The following CCDC190 variants were observed in gnomAD, a reference collection of about 807,000 sequenced individuals.
The protein encoded by CCDC190 is coiled-coil domain containing 190.
CCDC190 carries 10 observed loss-of-function variants against 13.1 expected under a neutral mutation model. That is an observed-to-expected ratio of 0.77 (90% confidence interval 0.47 to 1.30). The LOEUF is 1.30. Ranked by LOEUF, CCDC190 falls within the 50% of genes most tolerant of loss-of-function variation. The pLI, the probability that CCDC190 is intolerant of heterozygous loss-of-function variation, is 0.00. For missense variants in CCDC190, 375 were observed against 354.3 expected (o/e 1.06, Z -0.47); for synonymous variants, 136 against 127.2 (o/e 1.07, Z -0.47).
rs1481286236 is a variant in CCDC190, at chr1:162,851,728, A to G, written c.*3037T>C. The stretch of plus-strand genomic sequence containing the variant: ...AATGGGGAAGGGATCATCTGTCCCC[A>G]GTACATCTCTGAATGAATGAATGAA... On this transcript the variant is annotated 3_prime_UTR_variant, in exon 4 of 4. Coordinates refer to ENST00000367912, the MANE Select transcript of CCDC190 (RefSeq NM_001394065.1). 1 of 150,556 alleles carries G rather than the reference A, an allele frequency of 6.6e-6. No homozygotes were observed. The highest frequency in any genetic ancestry group is 1.5e-5 in the Non-Finnish European group (1 of 67,532). 9.3% of individuals were successfully genotyped at this position (150,556 alleles called of 1,614,324 possible). A position where few individuals can be genotyped will look rare whatever the true frequency, so the allele number is the denominator to read the frequency against.
At chr1:162,861,969 G>T (rs1375865674), upstream of CCDC190, among the ~76,000 whole-genome samples, 1 of 151,968 alleles carries the variant, frequency 6.6e-6, no homozygotes, top group East Asian at 1.9e-4. Context: ...AGATTACGAG[G>T]GGTGGCAGGG....
rs1460577050 is a variant in CCDC190 at position 162,853,180 on chromosome 1, A to C, written c.*1585T>G. ...GGCTGGGCTGATGAAACTGACTCTCAAATGTTTGATCTAAGTTTTTGTCTT... is the reference window on the plus strand; with the variant it reads ...GGCTGGGCTGATGAAACTGACTCTCCAATGTTTGATCTAAGTTTTTGTCTT... On this transcript the variant is annotated 3_prime_UTR_variant, in exon 4 of 4. Transcript: ENST00000367912. 6.5e-7 allele frequency: 1 copy of C among 1,534,740 alleles called. No individual in the cohort carries two copies. Among genetic ancestry groups the C allele is most frequent in the Admixed American group, 2.1e-5 (1 of 48,740 alleles).
Position 162,852,097 on chromosome 1 carries a change from C to T in CCDC190, c.*2668G>A, listed in dbSNP as rs1650128519. 1 of 152,202 alleles carries T rather than the reference C, an allele frequency of 6.6e-6. No individual in the cohort carries two copies. Among genetic ancestry groups the T allele is most frequent in the Non-Finnish European group, 1.5e-5 (1 of 68,046 alleles). The allele number at this position is 152,202 out of a possible 1,614,324, so 9.4% of individuals were successfully genotyped here. On this transcript the variant is annotated 3_prime_UTR_variant, in exon 4 of 4. Coordinates refer to ENST00000367912, the MANE Select transcript of CCDC190 (RefSeq NM_001394065.1). Reference sequence around the variant, plus strand: ...TCTGTGAATATTTAATGTAATGGCACAGGGTGGAGTTTCCAATCTTGGCGC... The same window carrying T: ...TCTGTGAATATTTAATGTAATGGCATAGGGTGGAGTTTCCAATCTTGGCGC...
intron 1 of CCDC190, 35 bp from the exon 2 acceptor site, chr1:162,859,693 A>C: frequency 6.5e-7 from 1 of 1,540,126 alleles, no homozygotes; most frequent in Non-Finnish European, 8.8e-7. Context: ...TAACCTGATA[A>C]ATGGAAGACT....
Position 162,861,138 on chromosome 1 carries a change from A to T in CCDC190, c.-143T>A, listed in dbSNP as rs1264592178. 5.2e-6 allele frequency: 2 copies of T among 383,072 alleles called. No individual in the cohort carries two copies. Among genetic ancestry groups the T allele is most frequent in the African/African-American group, 4.4e-5 (2 of 45,554 alleles). The allele number at this position is 383,072 out of a possible 1,614,324, so 23.7% of individuals were successfully genotyped here. On this transcript the variant is annotated 5_prime_UTR_variant, in exon 1 of 4. Coordinates refer to ENST00000367912, the MANE Select transcript of CCDC190 (RefSeq NM_001394065.1). ...TGGTGTTTGGAGAAAGGATAGAGGGAGACCATTGGAGAGGGCTGCGAGGAG... is the reference window on the plus strand; with the variant it reads ...TGGTGTTTGGAGAAAGGATAGAGGGTGACCATTGGAGAGGGCTGCGAGGAG...
intron 2 of CCDC190, among the ~76,000 whole-genome samples, chr1:162,856,425 A>G (rs1650304144): frequency 6.6e-6 from 1 of 152,210 alleles, no homozygotes; most frequent in Non-Finnish European, 1.5e-5. Flanking sequence ...GGCAAGCACA[A>G]TGTTTTCAAA....
In CCDC190 at chr1:162,855,345, C is replaced by A. The variant is rs761478107; in HGVS notation, c.326G>T (p.Arg109Leu). 3 of 1,603,282 alleles carry A rather than the reference C, an allele frequency of 1.9e-6. No individual in the cohort carries two copies. Among genetic ancestry groups the A allele is most frequent in the African/African-American group, 2.7e-5 (2 of 74,222 alleles). Reference protein sequence around the residue: ...QAKKMRALATRMAQDTCKSKS... With the variant: ...QAKKMRALATLMAQDTCKSKS... ...GCTTTTGCATGTGTCTTGGGCCATA[C>A]GGGTTGCCAATGCTCTGAGAAAGGA... Residue 109 changes from arginine (R) to leucine (L), a missense_variant, in exon 4 of 4, where the codon CGT becomes CTT. Arg to Leu is a moderately radical substitution (Grantham distance 102). Transcript: ENST00000367912.
chr1:162,855,166 C>T lies in CCDC190; in HGVS notation c.505G>A (p.Asp169Asn). ...GGAACAGAGATGCCCTTGCTGGGGT[C>T]TACGTCCTTAGATGGATTCACAGAA... ...KDSVNPSKDV[D>N]PSKGISVPCQ... Residue 169 changes from aspartate (D) to asparagine (N), a missense_variant, in exon 4 of 4, where the codon GAC becomes AAC. Physicochemically the swap from Asp to Asn is conservative, Grantham distance 23. Coordinates refer to ENST00000367912, the MANE Select transcript of CCDC190 (RefSeq NM_001394065.1). The T allele has an allele frequency of 1.2e-6, 2 of 1,613,994 alleles. No individual in the cohort carries two copies. The highest frequency in any genetic ancestry group is 2.2e-5 in the South Asian group (2 of 91,082).
At position 162,859,825 on chromosome 1, in the gene CCDC190, A is replaced by C. The variant is rs543437519; in HGVS notation, c.-12-167T>G. On this transcript the variant is annotated intron_variant, in intron 1 of 3. Transcript: ENST00000367912. ...AAATGAGTTTCCAGAGTAACACAGA[A>C]GGATTGAGGGTAGTCATTCCTCTGA... is the stretch of plus-strand genomic sequence containing the variant. Among the ~76,000 whole-genome samples the C allele has an allele frequency of 7.2e-5, 11 of 152,238 alleles. 1 individual carries two copies. The South Asian group carries it at 1.0e-3, about 14-fold the overall frequency.
rs368241445 is a variant in CCDC190, at chr1:162,854,942, T to G, written c.729A>C (p.Pro243=). 1.3e-5 allele frequency: 21 copies of G among 1,613,946 alleles called. No homozygotes were observed. In the African/African-American group the frequency reaches 2.4e-4, roughly 18 times the overall value. ...CCTTTGAAAGCAACTCTAAGAAGGTTGGCTTTGTGAACTCGCCTTCGAAGC... is the reference window on the plus strand; with the variant it reads ...CCTTTGAAAGCAACTCTAAGAAGGTGGGCTTTGTGAACTCGCCTTCGAAGC... ...AGSFEGEFTK[P]TFLELLSKAR... The change falls in exon 4 of 4, where the codon CCA becomes CCC. Residue 243 remains proline (P), a synonymous_variant. Transcript: ENST00000367912.
At chr1:162,866,928 C>T (rs1023498675) in intron 1 of CCDC190, among the ~76,000 whole-genome samples, 2 of 151,926 alleles carry the variant, frequency 1.3e-5, no homozygotes, top group Non-Finnish European at 2.9e-5. Flanking sequence ...ATGTTATCCC[C>T]TACACAAAAA....
In CCDC190 at chr1:162,854,397, G is replaced by T. The variant is rs1410393837; in HGVS notation, c.*368C>A. ...ACTATATATCAAACTAAAACAGAGAGAATAGCTATGCCGTTTTGCCAGCAG... is the reference window on the plus strand; with the variant it reads ...ACTATATATCAAACTAAAACAGAGATAATAGCTATGCCGTTTTGCCAGCAG... On this transcript the variant is annotated 3_prime_UTR_variant, in exon 4 of 4. Coordinates refer to ENST00000367912, the MANE Select transcript of CCDC190 (RefSeq NM_001394065.1). 8 of 1,036,828 alleles carry T rather than the reference G, an allele frequency of 7.7e-6. No homozygotes were observed. Among genetic ancestry groups the T allele is most frequent in the Non-Finnish European group, 9.3e-6 (8 of 861,410 alleles). The allele number at this position is 1,036,828 out of a possible 1,614,324, so 64.2% of individuals were successfully genotyped here.
chr1:162,855,722 C>T lies in CCDC190; in HGVS notation c.221G>A (p.Gly74Glu), dbSNP rs536907515. The change falls in exon 3 of 4, where the codon GGG becomes GAG. Residue 74 changes from glycine (G) to glutamate (E), a missense_variant. Coordinates refer to ENST00000367912, the MANE Select transcript of CCDC190 (RefSeq NM_001394065.1). ...TMKKKFSSYL[G>E]NGFQKRPEDV... Reference sequence around the variant, plus strand: ...TTCTGGTCTCTTCTGAAATCCATTCCCCAAATAAGAGGAGAACTTTTTCTT... The same window carrying T: ...TTCTGGTCTCTTCTGAAATCCATTCTCCAAATAAGAGGAGAACTTTTTCTT... 1.9e-6 allele frequency: 3 copies of T among 1,611,658 alleles called. No individual in the cohort carries two copies. The highest frequency in any genetic ancestry group is 2.5e-6 in the Non-Finnish European group (3 of 1,178,692).
chr1:162,866,278 T>C (rs1479433995), intron 1 of CCDC190, among the ~76,000 whole-genome samples: 1 of 151,936 alleles, frequency 6.6e-6, no homozygotes, highest in African/African-American at 2.4e-5. Flanking sequence ...CTGGCCAACA[T>C]GGTGAAACCC....
In CCDC190 at chr1:162,852,957, T is replaced by C; in HGVS notation, c.*1808A>G. The C allele has an allele frequency of 1.6e-6, 1 of 636,570 alleles. No homozygotes were observed. Among genetic ancestry groups the C allele is most frequent in the Non-Finnish European group, 2.8e-6 (1 of 355,646 alleles). The allele number at this position is 636,570 out of a possible 1,614,324, so 39.4% of individuals were successfully genotyped here. A position where few individuals can be genotyped will look rare whatever the true frequency, so the allele number is the denominator to read the frequency against. ...GAGCTTGCGCAGTTTACAAAGGGGT[T>C]CTCTAATTGTTGTATGCCTATTCAT... On this transcript the variant is annotated 3_prime_UTR_variant, in exon 4 of 4. Transcript: ENST00000367912.
At chr1:162,867,173 G>T (rs1035153416) in intron 1 of CCDC190, among the ~76,000 whole-genome samples, 2 of 151,968 alleles carry the variant, frequency 1.3e-5, no homozygotes, top group African/African-American at 2.4e-5. Context: ...GCAAGAACCT[G>T]TTGGAATATA....
intron 1 of CCDC190, among the ~76,000 whole-genome samples, chr1:162,860,608 A>C (rs1214238965): frequency 6.6e-6 from 1 of 151,120 alleles, no homozygotes; most frequent in Non-Finnish European, 1.5e-5. Flanking sequence ...CCCAGGCTGG[A>C]GTGCAGTGGC....
At chr1:162,858,080 A>G (rs1055475475) in intron 2 of CCDC190, among the ~76,000 whole-genome samples, 13 of 152,226 alleles carry the variant, frequency 8.5e-5, no homozygotes, top group African/African-American at 3.1e-4. Context: ...ATTGCCTAGC[A>G]CAGTGCCTAA....
intron 2 of CCDC190, among the ~76,000 whole-genome samples, chr1:162,858,925 T>G (rs1165159561): frequency 6.6e-6 from 1 of 152,210 alleles, no homozygotes; most frequent in Admixed American, 6.5e-5. Flanking sequence ...TCAAATAACT[T>G]CATAACATAG....
Sources: allele counts gnomAD v4.1 joint callset (sites outside exome capture counted in the v4.1 genomes callset), GRCh38; gene constraint gnomAD v4.1.1; transcripts MANE v1.5; gene names NCBI Gene and HGNC (gene_info 2026-07-23, HGNC 2026-07-21).